The following CHD9 variants were observed in gnomAD, a reference collection of about 807,000 sequenced individuals.
CHD9 encodes the protein ATP-dependent chromatin remodeler CHD9.
CHD9 carries 77 observed loss-of-function variants against 316.1 expected under a neutral mutation model. The ratio of observed to expected loss-of-function variants is 0.24; its 90% CI spans 0.20 to 0.29. The LOEUF is 0.29. CHD9 is among the 10% of genes least tolerant of loss of function. The pLI, the probability that CHD9 is intolerant of heterozygous loss-of-function variation, is 1.00. For synonymous variants in CHD9, 1,129 were observed against 1,158.3 expected (o/e 0.97, Z 0.51); for missense variants, 2,763 against 3,438.1 (o/e 0.80, Z 4.91).
At chr16:53,203,761 C>T (rs1264056208) in intron 2 of CHD9, among the ~76,000 whole-genome samples, 1 of 151,926 alleles carries the variant, frequency 6.6e-6, no homozygotes, top group African/African-American at 2.4e-5. Context: ...TGGTGGCTCA[C>T]GCTTGTAATC....
At position 53,286,216 on chromosome 16, in the gene CHD9, A is replaced by G. The variant is rs1326334536; in HGVS notation, c.5072-10A>G. The G allele has an allele frequency of 6.8e-7, 1 of 1,478,392 alleles. No homozygotes were observed. Among genetic ancestry groups the G allele is most frequent in the South Asian group, 1.1e-5 (1 of 87,914 alleles). The allele number at this position is 1,478,392 out of a possible 1,614,324, so 91.6% of individuals were successfully genotyped here. A position where few individuals can be genotyped will look rare whatever the true frequency, so the allele number is the denominator to read the frequency against. On this transcript the variant is annotated splice_polypyrimidine_tract_variant and intron_variant, in intron 25 of 38. Transcript: ENST00000447540. ...ATCTTTTTTACTTTTGTAATTGGTG[A>G]TGTTTTCAGGATATGAAAAATATAA...
chr16:53,294,973 T>C (rs1255622748), intron 29 of CHD9, among the ~76,000 whole-genome samples: 1 of 152,220 alleles, frequency 6.6e-6, no homozygotes, highest in African/African-American at 2.4e-5. Context: ...TTCTAAACTT[T>C]ATCCACTTCT....
chr16:53,237,925 A>G (rs1476623241), intron 11 of CHD9, among the ~76,000 whole-genome samples: 1 of 152,092 alleles, frequency 6.6e-6, no homozygotes, highest in Non-Finnish European at 1.5e-5. Flanking sequence ...AGCACATTGC[A>G]TGACTATTTA....
chr16:53,144,179 T>G (rs1039900079), intron 1 of CHD9, among the ~76,000 whole-genome samples: 4 of 152,150 alleles, frequency 2.6e-5, no homozygotes, highest in African/African-American at 7.2e-5. Context: ...TATGTCTGTG[T>G]TTTGGTTAGG....
At chr16:53,222,224 C>T (rs995838524) in intron 3 of CHD9, among the ~76,000 whole-genome samples, 1 of 151,904 alleles carries the variant, frequency 6.6e-6, no homozygotes, top group African/African-American at 2.4e-5. Context: ...TTACAGATGC[C>T]TGCCACCACG....
intron 10 of CHD9, 106 bp from the exon 11 acceptor site, chr16:53,235,079 T>C (rs1345573853): frequency 1.6e-5 from 13 of 788,616 alleles, no homozygotes; most frequent in Non-Finnish European, 2.5e-5. Flanking sequence ...ATCATAACAC[T>C]GTACACTGTT....
intron 2 of CHD9, among the ~76,000 whole-genome samples, chr16:53,171,548 C>T (rs1032151592): frequency 9.9e-5 from 15 of 151,998 alleles, no homozygotes; most frequent in African/African-American, 3.6e-4. Flanking sequence ...ATTCAGGAAA[C>T]AGTTTAGAAA....
intron 1 of CHD9, among the ~76,000 whole-genome samples, chr16:53,137,237 G>A (rs778687824): frequency 2.0e-5 from 3 of 152,176 alleles, no homozygotes; most frequent in African/African-American, 4.8e-5. Flanking sequence ...CTCCCAAAGT[G>A]TTGGGATTAC....
intron 2 of CHD9, among the ~76,000 whole-genome samples, chr16:53,179,312 C>G (rs1300685755): frequency 1.4e-5 from 2 of 142,916 alleles, no homozygotes; most frequent in Non-Finnish European, 3.1e-5. Context: ...TTGTTAGAAC[C>G]AGCAGTTAAT....
At chr16:53,228,482 C>G (rs2047851642) in intron 7 of CHD9, among the ~76,000 whole-genome samples, 1 of 150,620 alleles carries the variant, frequency 6.6e-6, no homozygotes, top group Non-Finnish European at 1.5e-5. Context: ...GGGGAAAAAT[C>G]ACTTACTCTT....
At chr16:53,064,256 TA>T (rs2033271112) in intron 1 of CHD9, among the ~76,000 whole-genome samples, 1 of 152,224 alleles carries the variant, frequency 6.6e-6, no homozygotes, top group Non-Finnish European at 1.5e-5. Flanking sequence ...TGCTCTAGAT[TA>T]AACATTGCCA....
At chr16:53,060,040 A>G (rs1236808294) in intron 1 of CHD9, among the ~76,000 whole-genome samples, 1 of 152,206 alleles carries the variant, frequency 6.6e-6, no homozygotes, top group Non-Finnish European at 1.5e-5. Flanking sequence ...ATTTTTTTCA[A>G]CCATTTAAAA....
At position 53,325,513 on chromosome 16, in the gene CHD9, C is replaced by T. The variant is rs549395492; in HGVS notation, c.*618C>T. On this transcript the variant is annotated 3_prime_UTR_variant, in exon 39 of 39. Transcript: ENST00000447540. ...TGAGTTAGTTTAGGAAGTTTACATTCGTTTCTAATTCTATACTTGTTTTCA... is the reference window on the plus strand; with the variant it reads ...TGAGTTAGTTTAGGAAGTTTACATTTGTTTCTAATTCTATACTTGTTTTCA... 1.3e-5 allele frequency: 2 copies of T among 152,554 alleles called. No homozygotes were observed. Among genetic ancestry groups the T allele is most frequent in the Admixed American group, 1.3e-4 (2 of 15,274 alleles). 9.5% of individuals were successfully genotyped at this position (152,554 alleles called of 1,614,324 possible).
intron 1 of CHD9, among the ~76,000 whole-genome samples, chr16:53,081,095 T>C (rs1567313547): frequency 6.6e-6 from 1 of 152,226 alleles, no homozygotes; most frequent in Non-Finnish European, 1.5e-5. Context: ...AGAAGCTTTG[T>C]CCCATCCCTA....
At chr16:53,165,547 A>G (rs1016479751) in intron 2 of CHD9, among the ~76,000 whole-genome samples, 1 of 152,196 alleles carries the variant, frequency 6.6e-6, no homozygotes, top group Non-Finnish European at 1.5e-5. Flanking sequence ...GGGAGGTCTC[A>G]TATGTTTACA....
At chr16:53,103,762 T>A (rs537744761) in intron 1 of CHD9, among the ~76,000 whole-genome samples, 4 of 152,372 alleles carry the variant, frequency 2.6e-5, no homozygotes, top group Non-Finnish European at 5.9e-5. Flanking sequence ...AACATTGGTC[T>A]CTAGTGCCTT....
At position 53,074,970 on chromosome 16, in the gene CHD9, C is replaced by T. The variant is rs534899368; in HGVS notation, c.-165+19893C>T. The stretch of plus-strand genomic sequence containing the variant: ...AACTTGCATCGTGTGCCTGGAAAAG[C>T]CACAGACAACACCAGCCTGTAAAAG... On this transcript the variant is annotated intron_variant, in intron 1 of 38. Transcript: ENST00000447540. Among the ~76,000 whole-genome samples, 6 of 152,316 alleles carry T rather than the reference C, an allele frequency of 3.9e-5. No individual in the cohort carries two copies. The South Asian group carries it at 1.0e-3, about 26-fold the overall frequency.
chr16:53,244,728 C>G (rs980838945), intron 13 of CHD9, among the ~76,000 whole-genome samples: 3 of 152,046 alleles, frequency 2.0e-5, no homozygotes, highest in African/African-American at 7.2e-5. Flanking sequence ...GCACGAATAG[C>G]ATACAAAGTG....
At chr16:53,305,013 A>C (rs575416154) in intron 31 of CHD9, among the ~76,000 whole-genome samples, 1 of 150,622 alleles carries the variant, frequency 6.6e-6, no homozygotes, top group East Asian at 2.0e-4. Flanking sequence ...TTTTCAAGTG[A>C]AAATGAAAAG....
Sources: allele counts gnomAD v4.1 joint callset (sites outside exome capture counted in the v4.1 genomes callset), GRCh38; gene constraint gnomAD v4.1.1; transcripts MANE v1.5; gene names NCBI Gene and HGNC (gene_info 2026-07-23, HGNC 2026-07-21).